TRIM24: variants seen among roughly 807,000 people sequenced by gnomAD.
TRIM24 encodes the protein transcription intermediary factor 1-alpha.
TRIM24 carries 29 observed loss-of-function variants against 123.9 expected under a neutral mutation model. That is an observed-to-expected ratio of 0.23 (90% CI 0.17 to 0.32). The LOEUF (loss-of-function observed/expected upper bound fraction) is 0.32, where lower values mean the gene tolerates loss of function less well. Among genes scored for constraint, TRIM24 ranks in the 10% least tolerant of loss-of-function variants. The pLI is 1.00. For synonymous variants in TRIM24, 456 were observed against 461.1 expected, an observed-to-expected ratio of 0.99 and a Z score of 0.14; for missense variants, 932 against 1,295.3, an observed-to-expected ratio of 0.72 and a Z score of 4.31.
rs1193657618 is a variant in TRIM24, at chr7:138,483,781, G to T, written c.365-20509G>T. Among the ~76,000 whole-genome samples the T allele has an allele frequency of 2.6e-5, 4 of 152,196 alleles. No homozygotes were observed. The East Asian group carries it at 5.8e-4, about 22-fold the overall frequency. On this transcript the variant is annotated intron_variant, in intron 1 of 18. Transcript: ENST00000343526. ...AGCCTTTTTATGTAGTATCATGAAA[G>T]TGGGGTGCCCCTGGTTCCCACAGGA...
chr7:138,525,481 A>G, intron 5 of TRIM24, 124 bp downstream of exon 5: 2 of 435,532 alleles, frequency 4.6e-6, no homozygotes, highest in Non-Finnish European at 8.1e-6. Context: ...CACATGACTG[A>G]TAAGACTTTC....
chr7:138,529,528 T>C (rs1369202390), intron 6 of TRIM24, among the ~76,000 whole-genome samples: 1 of 152,224 alleles, frequency 6.6e-6, no homozygotes, highest in Non-Finnish European at 1.5e-5. Context: ...TGCACTGAAA[T>C]GAAAATTTTG....
At chr7:138,566,419 G>A (rs1188196997) in intron 9 of TRIM24, among the ~76,000 whole-genome samples, 1 of 152,096 alleles carries the variant, frequency 6.6e-6, no homozygotes, top group Non-Finnish European at 1.5e-5. Flanking sequence ...GGGAGGCTGA[G>A]GCAGGAGAAT....
At chr7:138,544,188 A>C (rs959566560) in intron 7 of TRIM24, among the ~76,000 whole-genome samples, 2 of 152,140 alleles carry the variant, frequency 1.3e-5, no homozygotes, top group African/African-American at 4.8e-5. Flanking sequence ...TACATTTCCT[A>C]CCCACCTAGC....
intron 9 of TRIM24, among the ~76,000 whole-genome samples, chr7:138,565,277 T>A (rs1458567403): frequency 6.6e-6 from 1 of 152,106 alleles, no homozygotes; most frequent in Non-Finnish European, 1.5e-5. Flanking sequence ...CTTCCCTGAC[T>A]TTGCAAGCCA....
chr7:138,520,837 A>G (rs1051175110), intron 4 of TRIM24, among the ~76,000 whole-genome samples: 1 of 152,222 alleles, frequency 6.6e-6, no homozygotes, highest in Non-Finnish European at 1.5e-5. Context: ...CAGCAAGAGG[A>G]GGATGAAAAG....
intron 2 of TRIM24, among the ~76,000 whole-genome samples, chr7:138,510,279 T>C (rs141494887): frequency 1.1e-4 from 17 of 152,356 alleles, no homozygotes; most frequent in Non-Finnish European, 2.1e-4. Context: ...TAAGAGTTTA[T>C]ACTAGAGTGG....
At chr7:138,476,450 G>A (rs148933829) in intron 1 of TRIM24, among the ~76,000 whole-genome samples, 149 of 152,140 alleles carry the variant, frequency 9.8e-4, no homozygotes, top group Middle Eastern at 3.4e-3. Flanking sequence ...AAAATTAGCC[G>A]GGCATGGTGG....
chr7:138,568,372 TG>T (rs1402334597), intron 10 of TRIM24, among the ~76,000 whole-genome samples: 1 of 135,802 alleles, frequency 7.4e-6, no homozygotes, highest in East Asian at 2.1e-4. Flanking sequence ...CCACCGTACC[TG>T]GCCTCCTTTT....
intron 3 of TRIM24, 22 bp from the exon 4 acceptor site, chr7:138,519,163 CTCTT>C: frequency 6.2e-7 from 1 of 1,613,736 alleles, no homozygotes; most frequent in Non-Finnish European, 8.5e-7. Flanking sequence ...TAATTTTCTT[CTCTT>C]TGTCTCCCAT....
At chr7:138,583,670 A>AGT (rs769293740) in intron 17 of TRIM24, among the ~76,000 whole-genome samples, 180 bp from the exon 18 acceptor site, 2 of 152,324 alleles carry the variant, frequency 1.3e-5, no homozygotes, top group Admixed American at 6.5e-5. Context: ...AACCTTTACC[A>AGT]GTGTGTGTGG....
intron 2 of TRIM24, among the ~76,000 whole-genome samples, chr7:138,504,777 T>A: frequency 6.9e-6 from 1 of 144,104 alleles, no homozygotes; most frequent in Middle Eastern, 3.8e-3. Flanking sequence ...TTTTTTTTAA[T>A]TGAGATGGAG....
At chr7:138,492,241 C>G (rs1319526460) in intron 1 of TRIM24, among the ~76,000 whole-genome samples, 1 of 116,822 alleles carries the variant, frequency 8.6e-6, no homozygotes, top group Non-Finnish European at 1.6e-5. Flanking sequence ...TCACTGTCCT[C>G]TAGCCTGGGC....
At chr7:138,564,193 C>G (rs147753978) in intron 9 of TRIM24, among the ~76,000 whole-genome samples, 1 of 152,098 alleles carries the variant, frequency 6.6e-6, no homozygotes, top group Non-Finnish European at 1.5e-5. Flanking sequence ...TCCGTTGCCC[C>G]CCTTGGACTT....
intron 1 of TRIM24, among the ~76,000 whole-genome samples, chr7:138,499,711 G>C (rs1157656578): frequency 2.0e-5 from 3 of 152,154 alleles, no homozygotes; most frequent in African/African-American, 7.2e-5. Context: ...ACACAAAGGT[G>C]TGGGGCAGGG....
intron 9 of TRIM24, 54 bp from the exon 10 acceptor site, chr7:138,567,427 A>G: frequency 6.7e-7 from 1 of 1,502,018 alleles, no homozygotes; most frequent in Non-Finnish European, 9.0e-7. Context: ...GAGATTTATA[A>G]TTTGTTTTTC....
intron 9 of TRIM24, among the ~76,000 whole-genome samples, chr7:138,566,491 AAAAC>A (rs746897853): frequency 3.9e-4 from 59 of 152,174 alleles, no homozygotes; most frequent in East Asian, 5.8e-4. Context: ...TCCATCTCAA[AAAAC>A]AAACAAACAA....
intron 1 of TRIM24, among the ~76,000 whole-genome samples, chr7:138,498,859 C>T (rs547736871): frequency 1.3e-5 from 2 of 152,070 alleles, no homozygotes; most frequent in East Asian, 3.9e-4. Context: ...GTCTTCAACT[C>T]GTGACCTCAG....
chr7:138,531,820 T>G (rs1326284196), intron 6 of TRIM24, among the ~76,000 whole-genome samples: 1 of 152,222 alleles, frequency 6.6e-6, no homozygotes, highest in African/African-American at 2.4e-5. Flanking sequence ...TTGAACTAGT[T>G]TACAGTCTCA....
Sources: allele counts gnomAD v4.1 joint callset (sites outside exome capture counted in the v4.1 genomes callset), GRCh38; gene constraint gnomAD v4.1.1; transcripts MANE v1.5; gene names NCBI Gene and HGNC (gene_info 2026-07-23, HGNC 2026-07-21).